The following SEMA3D variants were observed in gnomAD, a reference collection of about 807,000 sequenced individuals.
SEMA3D encodes the protein semaphorin 3D, also known as semaphorin-3D.
SEMA3D carries 84 observed loss-of-function variants against 100.1 expected under a neutral mutation model. The observed-to-expected ratio is 0.84, with a 90% CI of 0.70 to 1.01. SEMA3D has a LOEUF of 1.01. Among genes scored for constraint, SEMA3D ranks in the 50% least tolerant of loss-of-function variants. The pLI is 0.00. For synonymous variants in SEMA3D, 312 were observed against 320.7 expected (o/e 0.97, Z 0.29); for missense variants, 875 against 934.1 (o/e 0.94, Z 0.82).
At chr7:85,141,942 C>T in intron 2 of SEMA3D, 1 of 981,890 alleles carries the variant, frequency 1.0e-6, no homozygotes, top group Non-Finnish European at 1.2e-6. Context: ...GCACTTTGCA[C>T]TCAAAAAAAG....
At chr7:85,226,214 T>TAA in the SEMA3D span, among the ~76,000 whole-genome samples, 1 of 151,692 alleles carries the variant, frequency 6.6e-6, no homozygotes, top group East Asian at 1.9e-4. Flanking sequence ...GACACTTCGT[T>TAA]AAAAAAAAAC....
Position 85,140,105 on chromosome 7 carries a change from CTAT to C in SEMA3D, c.-41+13500_-41+13502del, listed in dbSNP as rs548252931. The C allele has an allele frequency of 5.4e-4, 195 of 361,994 alleles. 1 individual carries two copies. Among genetic ancestry groups the C allele is most frequent in the Non-Finnish European group, 7.3e-4 (190 of 260,596 alleles). 22.4% of individuals were successfully genotyped at this position (361,994 alleles called of 1,614,324 possible). A position where few individuals can be genotyped will look rare whatever the true frequency, so the allele number is the denominator to read the frequency against. ...ATTAACAATATATTACTGCAGACTA[CTAT>C]TATCATATAATTTTCAAAATGTTTA... On this transcript the variant is annotated intron_variant, in intron 2 of 18. Transcript: ENST00000284136.
Position 85,106,500 on chromosome 7 carries a change from AACATTATTTTATAACAAT to A in SEMA3D, c.152-8553_152-8536del, listed in dbSNP as rs539988518. ...GTTATGTGTGTAATATAAAACAGAT[AACATTATTTTATAACAAT>A]ATTGTTTTATAAAATTAATTCTATT... On this transcript the variant is annotated intron_variant, in intron 3 of 18. Coordinates refer to ENST00000284136, the MANE Select transcript of SEMA3D (RefSeq NM_001384900.1). Among the ~76,000 whole-genome samples, 10 of 152,264 alleles carry A rather than the reference AACATTATTTTATAACAAT, an allele frequency of 6.6e-5. 2 individuals are homozygous for A. In the South Asian group the frequency reaches 1.9e-3, roughly 28 times the overall value.
At chr7:85,111,315 C>T (rs1442232416) in intron 3 of SEMA3D, among the ~76,000 whole-genome samples, 1 of 152,052 alleles carries the variant, frequency 6.6e-6, no homozygotes, top group South Asian at 2.1e-4. Flanking sequence ...TTCTTGGCAT[C>T]TCACTTAGGT....
At chr7:85,201,541 G>T in the SEMA3D span, among the ~76,000 whole-genome samples, 2 of 152,032 alleles carry the variant, frequency 1.3e-5, no homozygotes, top group African/African-American at 4.8e-5. Flanking sequence ...GTAAATTAGA[G>T]ATTTTAGTAA....
At chr7:85,118,011 T>C (rs1789295260) in intron 3 of SEMA3D, among the ~76,000 whole-genome samples, 1 of 151,926 alleles carries the variant, frequency 6.6e-6, no homozygotes, top group Non-Finnish European at 1.5e-5. Context: ...ACTTTCTAGA[T>C]ATGGCTCCAG....
chr7:85,036,795 TG>T, intron 12 of SEMA3D, 93 bp downstream of exon 12: 1 of 960,096 alleles, frequency 1.0e-6, no homozygotes, highest in Non-Finnish European at 1.5e-6. Context: ...TTACAGCACA[TG>T]TGGCTCTGGT....
At chr7:85,234,990 G>C in the SEMA3D span, among the ~76,000 whole-genome samples, 1 of 152,130 alleles carries the variant, frequency 6.6e-6, no homozygotes, top group Non-Finnish European at 1.5e-5. Context: ...AGCAGCTTGG[G>C]GAGTGAGCAG....
At chr7:85,063,714 A>G (rs1270925900) in intron 8 of SEMA3D, among the ~76,000 whole-genome samples, 1 of 152,042 alleles carries the variant, frequency 6.6e-6, no homozygotes, top group Non-Finnish European at 1.5e-5. Flanking sequence ...CATTCATGCT[A>G]TTAAAAAACA....
At chr7:85,111,800 T>A (rs1030835251) in intron 3 of SEMA3D, among the ~76,000 whole-genome samples, 5 of 152,092 alleles carry the variant, frequency 3.3e-5, no homozygotes, top group Admixed American at 2.0e-4. Flanking sequence ...TTAGTCAATT[T>A]TCTTCTTTCT....
At chr7:85,118,111 A>G (rs1789298487) in intron 3 of SEMA3D, among the ~76,000 whole-genome samples, 2 of 151,962 alleles carry the variant, frequency 1.3e-5, no homozygotes, top group East Asian at 1.9e-4. Context: ...AGGTTTACTG[A>G]ATGTTGTTCT....
the SEMA3D span, among the ~76,000 whole-genome samples, chr7:85,237,615 TA>T: frequency 6.6e-6 from 1 of 152,234 alleles, no homozygotes; most frequent in African/African-American, 2.4e-5. Context: ...GCTTGATAGC[TA>T]ATTTCTTTTC....
At chr7:85,158,849 T>C (rs996125040) in intron 1 of SEMA3D, among the ~76,000 whole-genome samples, 1 of 152,120 alleles carries the variant, frequency 6.6e-6, no homozygotes, top group Non-Finnish European at 1.5e-5. Flanking sequence ...GAAAAGAACA[T>C]ACATGAAATA....
At chr7:85,245,463 A>T in the SEMA3D span, among the ~76,000 whole-genome samples, 1 of 152,196 alleles carries the variant, frequency 6.6e-6, no homozygotes, top group South Asian at 2.1e-4. Context: ...TAAAAGCTTT[A>T]CTCAGCTATA....
the SEMA3D span, among the ~76,000 whole-genome samples, chr7:85,245,472 T>C: frequency 7.2e-5 from 11 of 152,216 alleles, no homozygotes; most frequent in African/African-American, 2.2e-4. Context: ...TACTCAGCTA[T>C]AATGTTCGAC....
chr7:85,241,837 G>GTAAA, the SEMA3D span, among the ~76,000 whole-genome samples: 2 of 151,662 alleles, frequency 1.3e-5, no homozygotes, highest in Non-Finnish European at 2.9e-5. Context: ...AAATAAATAA[G>GTAAA]TAAATAAATA....
the SEMA3D span, among the ~76,000 whole-genome samples, chr7:85,230,825 C>G: frequency 5.3e-5 from 8 of 152,154 alleles, no homozygotes; most frequent in Non-Finnish European, 1.2e-4. Context: ...TGCTTCCTCT[C>G]CATGTCGAAG....
In SEMA3D at chr7:85,068,224, C is replaced by T. The variant is rs148351346; in HGVS notation, c.556G>A (p.Asp186Asn). ...ACTGAAGCAAAAGGCTGCTGAGGAT[C>T]GAAAGGACATTTCAGTCTGCCAGAC... Reference protein sequence around the residue: ...LESGRLKCPFDPQQPFASVMT... With the variant: ...LESGRLKCPFNPQQPFASVMT... Residue 186 changes from aspartate (D) to asparagine (N), a missense_variant, in exon 7 of 19, where the codon GAT becomes AAT. By Grantham distance (23) the Asp-to-Asn change is conservative (BLOSUM62 1). Transcript: ENST00000284136. 1.9e-4 allele frequency: 313 copies of T among 1,608,012 alleles called. No homozygotes were observed. The African/African-American group carries it at 2.5e-3, about 13-fold the overall frequency.
chr7:85,081,325 A>G (rs1415445712), intron 5 of SEMA3D, among the ~76,000 whole-genome samples, 192 bp downstream of exon 5: 1 of 152,186 alleles, frequency 6.6e-6, no homozygotes, highest in Non-Finnish European at 1.5e-5. Flanking sequence ...CATTTCTTAA[A>G]TTTTATAAAT....
Sources: allele counts gnomAD v4.1 joint callset (sites outside exome capture counted in the v4.1 genomes callset), GRCh38; gene constraint gnomAD v4.1.1; transcripts MANE v1.5; gene names NCBI Gene and HGNC (gene_info 2026-07-23, HGNC 2026-07-21).